Variants in CACNA2D3 observed in about 807,000 individuals in gnomAD.
CACNA2D3 encodes the protein calcium voltage-gated channel auxiliary subunit alpha2delta 3.
In CACNA2D3, 60 loss-of-function variants were observed where a neutral mutation model predicts 160.6. That is an observed-to-expected ratio of 0.37 (90% CI 0.30 to 0.46). The LOEUF is 0.46. Ranked by LOEUF, CACNA2D3 falls within the 20% of genes least tolerant of loss-of-function variation. CACNA2D3 has a pLI of 1.00. For missense variants in CACNA2D3, 1,205 were observed against 1,365.0 expected, an observed-to-expected ratio of 0.88 and a Z score of 1.85; for synonymous variants, 558 against 492.9, an observed-to-expected ratio of 1.13 and a Z score of -1.75.
intron 4 of CACNA2D3, among the ~76,000 whole-genome samples, chr3:54,460,592 A>G (rs1467311876): frequency 1.3e-5 from 2 of 152,176 alleles, no homozygotes; most frequent in Non-Finnish European, 2.9e-5. Context: ...TTATTGGTGT[A>G]TAAGAATGCT....
intron 11 of CACNA2D3, among the ~76,000 whole-genome samples, chr3:54,678,444 C>T (rs780751698): frequency 2.8e-4 from 43 of 152,048 alleles, no homozygotes; most frequent in South Asian, 8.3e-4. Flanking sequence ...GATGACTGGC[C>T]GGGCGCGGTG....
chr3:54,996,793 CTAGA>C (rs568033124), intron 31 of CACNA2D3, among the ~76,000 whole-genome samples: 111 of 152,192 alleles, frequency 7.3e-4, no homozygotes, highest in Middle Eastern at 3.4e-3. Context: ...CAATGATAGA[CTAGA>C]TAAAGAAAAT....
chr3:54,555,744 C>T (rs918648274), intron 5 of CACNA2D3, among the ~76,000 whole-genome samples: 2 of 152,148 alleles, frequency 1.3e-5, no homozygotes, highest in African/African-American at 2.4e-5. Context: ...TCCTGGATTA[C>T]ACATTGACCA....
intron 2 of CACNA2D3, among the ~76,000 whole-genome samples, chr3:54,196,346 A>C (rs1701080603): frequency 6.6e-6 from 1 of 152,176 alleles, no homozygotes; most frequent in Non-Finnish European, 1.5e-5. Flanking sequence ...ATGAAGAACC[A>C]CTCTGTACAA....
At chr3:54,412,626 T>TTTTTTTTTTTGTTC (rs1699688455) in intron 4 of CACNA2D3, among the ~76,000 whole-genome samples, 2 of 131,326 alleles carry the variant, frequency 1.5e-5, no homozygotes, top group East Asian at 2.2e-4. Context: ...TTTTTTAGTC[T>TTTTTTTTTTTGTTC]GACAACCTCT....
chr3:54,821,641 G>T lies in CACNA2D3; in HGVS notation c.1398+4771G>T, dbSNP rs137903967. Among the ~76,000 whole-genome samples, 1,007 of 107,832 alleles carry T rather than the reference G, an allele frequency of 9.3e-3. 12 individuals are homozygous for T. Among genetic ancestry groups the T allele is most frequent in the African/African-American group, 0.03 (790 of 25,912 alleles). 70.7% of individuals were successfully genotyped at this position (107,832 alleles called of 152,430 possible). On this transcript the variant is annotated intron_variant, in intron 14 of 37. Transcript: ENST00000474759. ...AGCCTTCGTTTTTCTAGAGTCTTTCGTTCTTTCTTTCTTTCTTTCTTTCTT... is the reference window on the plus strand; with the variant it reads ...AGCCTTCGTTTTTCTAGAGTCTTTCTTTCTTTCTTTCTTTCTTTCTTTCTT...
chr3:54,803,608 G>A (rs1208727458), intron 13 of CACNA2D3, among the ~76,000 whole-genome samples: 1 of 152,174 alleles, frequency 6.6e-6, no homozygotes, highest in Non-Finnish European at 1.5e-5. Flanking sequence ...TGTGGAGAAT[G>A]GAACCAAGTT....
chr3:54,891,224 TC>T, intron 24 of CACNA2D3, 130 bp from the exon 25 acceptor site: 1 of 626,592 alleles, frequency 1.6e-6, no homozygotes, highest in Non-Finnish European at 2.9e-6. Flanking sequence ...TGTGTGTGTT[TC>T]TGTATCTTCT....
intron 29 of CACNA2D3, among the ~76,000 whole-genome samples, chr3:54,972,990 G>T (rs948069448): frequency 5.3e-5 from 8 of 152,290 alleles, no homozygotes; most frequent in South Asian, 4.1e-4. Context: ...AAGCTTACCG[G>T]TTAGCAGGAG....
chr3:54,775,827 C>A (rs1702415126), intron 13 of CACNA2D3, among the ~76,000 whole-genome samples: 1 of 152,196 alleles, frequency 6.6e-6, no homozygotes, highest in South Asian at 2.1e-4. Flanking sequence ...GAGAAATTTA[C>A]TGGATGGCTC....
intron 27 of CACNA2D3, among the ~76,000 whole-genome samples, chr3:54,931,341 C>G (rs1344141728): frequency 6.6e-6 from 1 of 152,182 alleles, no homozygotes; most frequent in Non-Finnish European, 1.5e-5. Flanking sequence ...CCTGGACTGC[C>G]CGCCCCGGAC....
At chr3:55,000,075 C>A (rs1323999731) in intron 31 of CACNA2D3, among the ~76,000 whole-genome samples, 1 of 152,142 alleles carries the variant, frequency 6.6e-6, no homozygotes, top group Admixed American at 6.5e-5. Context: ...GGCATGTTAT[C>A]TGTAATAAGA....
chr3:54,260,103 G>A (rs1211725057), intron 2 of CACNA2D3, among the ~76,000 whole-genome samples: 4 of 152,180 alleles, frequency 2.6e-5, no homozygotes, highest in African/African-American at 7.2e-5. Context: ...AATGGAACAA[G>A]ATGTGACAAA....
intron 2 of CACNA2D3, among the ~76,000 whole-genome samples, chr3:54,274,700 G>A (rs1359621997): frequency 6.6e-6 from 1 of 152,186 alleles, no homozygotes; most frequent in Non-Finnish European, 1.5e-5. Context: ...TGCACTCAAG[G>A]TGTCAGCGGA....
intron 11 of CACNA2D3, among the ~76,000 whole-genome samples, chr3:54,722,224 C>G (rs767878072): frequency 6.6e-6 from 1 of 152,192 alleles, no homozygotes; most frequent in Non-Finnish European, 1.5e-5. Context: ...CTTGTGTATG[C>G]TTCACGAAGT....
chr3:54,445,555 TACACACACACACAC>T (rs3028897), intron 4 of CACNA2D3, among the ~76,000 whole-genome samples: 2 of 147,110 alleles, frequency 1.4e-5, no homozygotes, highest in African/African-American at 2.5e-5. Context: ...TTTCTATGTA[TACACACACACACAC>T]ACACACACAC....
At chr3:54,831,825 A>G (rs1194924142) in intron 14 of CACNA2D3, among the ~76,000 whole-genome samples, 1 of 152,112 alleles carries the variant, frequency 6.6e-6, no homozygotes, top group Non-Finnish European at 1.5e-5. Flanking sequence ...TGGTATGTCT[A>G]AGAGTTACAA....
chr3:54,875,774 G>T (rs1192799617), intron 18 of CACNA2D3: 5 of 152,146 alleles, frequency 3.3e-5, no homozygotes, highest in African/African-American at 1.2e-4. Context: ...GACAATGCAG[G>T]GCCCAGGGGA....
intron 13 of CACNA2D3, among the ~76,000 whole-genome samples, chr3:54,786,309 C>G (rs1156482927): frequency 6.6e-6 from 1 of 152,166 alleles, no homozygotes; most frequent in African/African-American, 2.4e-5. Context: ...CAGTACCATA[C>G]AAATGGTAAT....
Sources: gnomAD v4.1 joint callset for allele counts (sites outside exome capture counted in the v4.1 genomes callset) on GRCh38, gnomAD v4.1.1 for gene constraint, MANE v1.5 for transcripts, NCBI Gene and HGNC (gene_info 2026-07-23, HGNC 2026-07-21) for gene names.